Variants in ADAMTS6 observed in about 807,000 individuals in gnomAD.
ADAMTS6 encodes A disintegrin and metalloproteinase with thrombospondin motifs 6.
In ADAMTS6, 23 loss-of-function variants were observed where a neutral mutation model predicts 144.3. The ratio of observed to expected loss-of-function variants is 0.16; its 90% CI spans 0.11 to 0.23. The LOEUF (loss-of-function observed/expected upper bound fraction) is 0.23. Among genes scored for constraint, ADAMTS6 ranks in the 10% least tolerant of loss-of-function variants. ADAMTS6 has a pLI of 1.00. For synonymous variants in ADAMTS6, 444 were observed against 457.5 expected, an observed-to-expected ratio of 0.97 and a Z score of 0.38; for missense variants, 999 against 1,379.6, an observed-to-expected ratio of 0.72 and a Z score of 4.37.
chr5:65,149,730 T>C lies in ADAMTS6; in HGVS notation c.*2106A>G, dbSNP rs1037871939. 8 of 152,682 alleles carry C rather than the reference T, an allele frequency of 5.2e-5. No individual in the cohort carries two copies. Among genetic ancestry groups the C allele is most frequent in the Non-Finnish European group, 7.3e-5 (5 of 68,056 alleles). The allele number at this position is 152,682 out of a possible 1,614,324, so 9.5% of individuals were successfully genotyped here. A position where few individuals can be genotyped will look rare whatever the true frequency, so the allele number is the denominator to read the frequency against. Reference sequence around the variant, plus strand: ...AATGCCACAGAAACTGCCCATCTTTTATTTATTTCACCAGGGCACATTAGC... The same window carrying C: ...AATGCCACAGAAACTGCCCATCTTTCATTTATTTCACCAGGGCACATTAGC... On this transcript the variant is annotated 3_prime_UTR_variant, in exon 25 of 25. Coordinates refer to ENST00000381055, the MANE Select transcript of ADAMTS6 (RefSeq NM_197941.4).
intron 9 of ADAMTS6, among the ~76,000 whole-genome samples, chr5:65,309,941 T>C (rs1428405890): frequency 1.3e-5 from 2 of 152,212 alleles, no homozygotes; most frequent in Non-Finnish European, 1.5e-5. Context: ...TTTGGATCTG[T>C]GTCCCTGCTC....
chr5:65,178,617 A>G (rs1754132134), intron 22 of ADAMTS6, among the ~76,000 whole-genome samples: 2 of 152,146 alleles, frequency 1.3e-5, no homozygotes, highest in African/African-American at 4.8e-5. Flanking sequence ...CCTATCTCTC[A>G]AAACAACTAG....
intron 7 of ADAMTS6, among the ~76,000 whole-genome samples, chr5:65,373,539 T>C (rs1235126269): frequency 9.0e-4 from 136 of 151,086 alleles, no homozygotes; most frequent in Middle Eastern, 3.4e-3. Flanking sequence ...ACACATACAC[T>C]CTCCCAAGAC....
intron 7 of ADAMTS6, among the ~76,000 whole-genome samples, chr5:65,374,012 T>C (rs1358265808): frequency 6.6e-6 from 1 of 152,222 alleles, no homozygotes; most frequent in African/African-American, 2.4e-5. Context: ...AAAAACCACA[T>C]GATTATCTCA....
chr5:65,400,289 A>C (rs1303743274), intron 7 of ADAMTS6, among the ~76,000 whole-genome samples: 1 of 152,056 alleles, frequency 6.6e-6, no homozygotes, highest in Non-Finnish European at 1.5e-5. Context: ...TGCAGCCTCA[A>C]ATTCCTGAGC....
intron 22 of ADAMTS6, among the ~76,000 whole-genome samples, chr5:65,186,500 T>A (rs1754680027): frequency 6.6e-6 from 1 of 152,302 alleles, no homozygotes; most frequent in South Asian, 2.1e-4. Flanking sequence ...CAGCCAATCA[T>A]TAGGTCTCCT....
At chr5:65,424,552 G>A (rs1057393995) in intron 7 of ADAMTS6, among the ~76,000 whole-genome samples, 2 of 152,128 alleles carry the variant, frequency 1.3e-5, no homozygotes, top group African/African-American at 4.8e-5. Flanking sequence ...AGCATAGTTC[G>A]GGGTGGCGTC....
chr5:65,358,668 C>T lies in ADAMTS6; in HGVS notation c.1074-24583G>A, dbSNP rs143581027. Among the ~76,000 whole-genome samples the T allele has an allele frequency of 1.6e-3, 239 of 152,106 alleles. 1 individual carries two copies. The highest frequency in any genetic ancestry group is 2.1e-3 in the Non-Finnish European group (144 of 67,914). On this transcript the variant is annotated intron_variant, in intron 7 of 24. Coordinates refer to ENST00000381055, the MANE Select transcript of ADAMTS6 (RefSeq NM_197941.4). ...TAATCAAAACACCATGGTACTGACA[C>T]AGAAACAGATACATAGCCCAAGGGA...
chr5:65,282,002 G>A (rs976188232), intron 11 of ADAMTS6, among the ~76,000 whole-genome samples: 1 of 152,070 alleles, frequency 6.6e-6, no homozygotes, highest in African/African-American at 2.4e-5. Context: ...CTTACACAAG[G>A]GGAGGAGGTG....
intron 20 of ADAMTS6, among the ~76,000 whole-genome samples, chr5:65,212,579 C>T (rs1336097409): frequency 3.9e-5 from 6 of 151,998 alleles, no homozygotes; most frequent in Admixed American, 3.9e-4. Flanking sequence ...TTCTCATGGC[C>T]TTTTTCCTCT....
intron 22 of ADAMTS6, 22 bp from the exon 23 acceptor site, chr5:65,173,030 A>G: frequency 6.2e-7 from 1 of 1,607,334 alleles, no homozygotes; most frequent in Non-Finnish European, 8.5e-7. Flanking sequence ...ACAAATAGTA[A>G]TGAATCACGA....
At chr5:65,423,684 A>C (rs1756263258) in intron 7 of ADAMTS6, among the ~76,000 whole-genome samples, 1 of 152,104 alleles carries the variant, frequency 6.6e-6, no homozygotes, top group South Asian at 2.1e-4. Flanking sequence ...CTAGGATGAA[A>C]AACATTAAAG....
At chr5:65,232,365 A>G (rs972588003) in intron 15 of ADAMTS6, among the ~76,000 whole-genome samples, 10 of 152,210 alleles carry the variant, frequency 6.6e-5, no homozygotes, top group African/African-American at 2.2e-4. Flanking sequence ...AACAAAGCTC[A>G]GGGCAGAAAT....
intron 24 of ADAMTS6, among the ~76,000 whole-genome samples, chr5:65,160,550 C>T (rs570819426): frequency 4.6e-5 from 7 of 152,162 alleles, no homozygotes; most frequent in East Asian, 1.9e-4. Flanking sequence ...GTGATCTGCC[C>T]GCCTCGCCCT....
intron 7 of ADAMTS6, among the ~76,000 whole-genome samples, chr5:65,426,098 G>C (rs1756499307): frequency 6.7e-6 from 1 of 148,792 alleles, no homozygotes; most frequent in Admixed American, 6.8e-5. Context: ...CCAGGCTAGA[G>C]TGCAATGGTG....
In ADAMTS6 at chr5:65,309,591, T is replaced by TACACAC. The variant is rs149843490; in HGVS notation, c.1224-9466_1224-9461dup. On this transcript the variant is annotated intron_variant, in intron 9 of 24. Transcript: ENST00000381055. ...CCATGGTTGGGGACCCCTGTTATAATACACACACACACACACACACACACA... is the reference window on the plus strand; with the variant it reads ...CCATGGTTGGGGACCCCTGTTATAATACACACACACACACACACACACACACACACA... Among the ~76,000 whole-genome samples the TACACAC allele has an allele frequency of 7.4e-3, 1,093 of 147,292 alleles. 9 individuals carry two copies. The highest frequency in any genetic ancestry group is 0.024 in the African/African-American group (953 of 40,438).
chr5:65,391,726 T>G (rs931168003), intron 7 of ADAMTS6, among the ~76,000 whole-genome samples: 1 of 151,720 alleles, frequency 6.6e-6, no homozygotes, highest in African/African-American at 2.4e-5. Context: ...CCTCTTTGTC[T>G]TTTACAACAT....
At chr5:65,383,079 C>T (rs1211645293) in intron 7 of ADAMTS6, among the ~76,000 whole-genome samples, 1 of 152,146 alleles carries the variant, frequency 6.6e-6, no homozygotes, top group Non-Finnish European at 1.5e-5. Context: ...ACCTAGTCAC[C>T]TCCTGAAGGC....
At chr5:65,322,179 C>T (rs918196033) in intron 9 of ADAMTS6, among the ~76,000 whole-genome samples, 8 of 152,212 alleles carry the variant, frequency 5.3e-5, no homozygotes, top group South Asian at 4.2e-4. Context: ...GATAGTTGTA[C>T]GTGTGCAGCC....
Sources: allele counts gnomAD v4.1 joint callset (sites outside exome capture counted in the v4.1 genomes callset), GRCh38; gene constraint gnomAD v4.1.1; transcripts MANE v1.5; gene names NCBI Gene and HGNC (gene_info 2026-07-23, HGNC 2026-07-21).